The following PLEKHH2 variants were observed in gnomAD, a reference collection of about 807,000 sequenced individuals.
PLEKHH2 encodes pleckstrin homology, MyTH4 and FERM domain containing H2.
Under a neutral mutation model 187.9 loss-of-function variants are expected in PLEKHH2, and 129 were observed. That is an observed-to-expected ratio of 0.69 (90% CI 0.59 to 0.79). The LOEUF (loss-of-function observed/expected upper bound fraction) is 0.79, where lower values mean the gene tolerates loss of function less well. Among genes scored for constraint, PLEKHH2 ranks in the 30% least tolerant of loss-of-function variants. The pLI, the probability that PLEKHH2 is intolerant of heterozygous loss-of-function variation, is 0.00. For missense variants in PLEKHH2, 2,076 were observed against 1,751.2 expected, an observed-to-expected ratio of 1.19 and a Z score of -3.31; for synonymous variants, 686 against 605.6, an observed-to-expected ratio of 1.13 and a Z score of -1.95.
intron 3 of PLEKHH2, among the ~76,000 whole-genome samples, chr2:43,684,819 CAAAA>C (rs534046953): frequency 1.8e-5 from 2 of 109,802 alleles, no homozygotes; most frequent in African/African-American, 3.0e-5. Flanking sequence ...CTCCCATTAC[CAAAA>C]AAAAAAAAAA....
At chr2:43,681,712 A>G in intron 3 of PLEKHH2, 3 of 523,722 alleles carry the variant, frequency 5.7e-6, no homozygotes, top group Non-Finnish European at 1.0e-5. Flanking sequence ...GGGCCAGGCA[A>G]GGGAGCTCCC....
chr2:43,712,018 T>C, intron 14 of PLEKHH2: 1 of 1,282,910 alleles, frequency 7.8e-7, no homozygotes, highest in Non-Finnish European at 1.0e-6. Flanking sequence ...AACAAAGTTA[T>C]TTCCACAAAA....
intron 1 of PLEKHH2, among the ~76,000 whole-genome samples, chr2:43,640,279 C>T (rs1703313240): frequency 6.6e-6 from 1 of 150,726 alleles, no homozygotes; most frequent in African/African-American, 2.4e-5. Context: ...ATGATCATAG[C>T]TCACTGCTCA....
intron 2 of PLEKHH2, among the ~76,000 whole-genome samples, chr2:43,654,917 C>T (rs1457292414): frequency 6.6e-6 from 1 of 152,132 alleles, no homozygotes; most frequent in Non-Finnish European, 1.5e-5. Context: ...GTCCCAGCTA[C>T]TCAGGAGGCT....
chr2:43,726,073 T>C (rs1670726356), intron 16 of PLEKHH2, among the ~76,000 whole-genome samples, 199 bp from the exon 17 acceptor site: 1 of 149,850 alleles, frequency 6.7e-6, no homozygotes, highest in South Asian at 2.1e-4. Flanking sequence ...AGGTTACTGA[T>C]TGCGCCACTG....
intron 3 of PLEKHH2, chr2:43,681,240 T>G: frequency 9.1e-6 from 6 of 657,352 alleles, no homozygotes; most frequent in Non-Finnish European, 2.6e-6. Context: ...GCGATCTTTT[T>G]TCCAATTACA....
In PLEKHH2 at chr2:43,758,937, C is replaced by G. The variant is rs761181415; in HGVS notation, c.3979C>G (p.Leu1327Val). 6.2e-6 allele frequency: 10 copies of G among 1,602,108 alleles called. No individual in the cohort carries two copies. The change falls in exon 27 of 30, where the codon CTC becomes GTC. Residue 1327 changes from leucine (L) to valine (V), a missense_variant. Transcript: ENST00000282406. ...GCGACTTTCAACCAGATGGATGGCC[C>G]TCCGGGGACACAGTGCTGCTGACTG... is the stretch of plus-strand genomic sequence containing the variant. The part of the protein sequence containing the change: ...CQRLSTRWMA[L>V]RGHSAADCVR...
chr2:43,696,222 C>G (rs751667024), intron 6 of PLEKHH2, among the ~76,000 whole-genome samples: 5 of 152,122 alleles, frequency 3.3e-5, no homozygotes, highest in Admixed American at 6.5e-5. Flanking sequence ...CCTGTAATCC[C>G]AGCATTTTGG....
At chr2:43,659,364 C>CT (rs1051542983) in intron 2 of PLEKHH2, among the ~76,000 whole-genome samples, 160 of 147,274 alleles carry the variant, frequency 1.1e-3, no homozygotes, top group African/African-American at 2.8e-3. Flanking sequence ...TGTTTTTCTT[C>CT]TTTTTTTTTT....
At chr2:43,637,980 G>A (rs1356355805) in intron 1 of PLEKHH2, among the ~76,000 whole-genome samples, 1 of 152,194 alleles carries the variant, frequency 6.6e-6, no homozygotes, top group African/African-American at 2.4e-5. Flanking sequence ...TGTGCGTAAC[G>A]CTGTGGAAAT....
intron 1 of PLEKHH2, among the ~76,000 whole-genome samples, chr2:43,640,231 G>A (rs1310365565): frequency 3.4e-5 from 5 of 148,432 alleles, no homozygotes; most frequent in South Asian, 4.3e-4. Flanking sequence ...TTTTTGAGAC[G>A]GTGTCTCACT....
rs78056014 is a variant in PLEKHH2, at chr2:43,730,061, C to T, written c.2830+316C>T. Among the ~76,000 whole-genome samples, 55 of 152,248 alleles carry T rather than the reference C, an allele frequency of 3.6e-4. 1 individual carries two copies. In the East Asian group the frequency reaches 0.01, roughly 29 times the overall value. ...ACCTAGCCTTAGGAGATCCCCCAGC[C>T]AGCCCTCTGCAGCTCAGCATCTGGC... On this transcript the variant is annotated intron_variant, in intron 18 of 29. Transcript: ENST00000282406.
chr2:43,685,906 A>G (rs1477495095), intron 3 of PLEKHH2, among the ~76,000 whole-genome samples: 1 of 152,236 alleles, frequency 6.6e-6, no homozygotes, highest in Non-Finnish European at 1.5e-5. Flanking sequence ...AATTAGGTGG[A>G]TACCTTAATA....
Position 43,678,271 on chromosome 2 carries a change from G to A in PLEKHH2, c.124-592G>A, listed in dbSNP as rs556838758. On this transcript the variant is annotated intron_variant, in intron 2 of 29. Transcript: ENST00000282406. ...GCTCCTCACATCCCAGACCATGGGC[G>A]GCCAGGCAGAGACGCTCCTCACTTC... 9.5e-4 allele frequency among the ~76,000 whole-genome samples: 145 copies of A among 152,108 alleles called. 1 individual carries two copies. Among genetic ancestry groups the A allele is most frequent in the African/African-American group, 3.3e-3 (137 of 41,494 alleles).
intron 26 of PLEKHH2, among the ~76,000 whole-genome samples, chr2:43,758,014 T>G (rs1462489481): frequency 6.6e-6 from 1 of 152,192 alleles, no homozygotes; most frequent in African/African-American, 2.4e-5. Context: ...ATTTGGAGTT[T>G]CAATTTCAGA....
chr2:43,667,423 A>G (rs1379609964), intron 2 of PLEKHH2, among the ~76,000 whole-genome samples: 1 of 152,230 alleles, frequency 6.6e-6, no homozygotes, highest in Non-Finnish European at 1.5e-5. Context: ...ATGACCCAGA[A>G]GTTCTACTCC....
intron 1 of PLEKHH2, among the ~76,000 whole-genome samples, chr2:43,642,139 T>A (rs1665969975): frequency 6.6e-6 from 1 of 152,360 alleles, no homozygotes; most frequent in South Asian, 2.1e-4. Flanking sequence ...TAGGTATTTT[T>A]AAATTTCTTT....
Position 43,726,383 on chromosome 2 carries a change from T to G in PLEKHH2, c.2653T>G (p.Tyr885Asp). Residue 885 changes from tyrosine (Y) to aspartate (D), a missense_variant, in exon 17 of 30, where the codon TAT becomes GAT. Tyr to Asp is a radical substitution (Grantham distance 160). Coordinates refer to ENST00000282406, the MANE Select transcript of PLEKHH2 (RefSeq NM_172069.4). ...TGGACGAAGTCTGTTATCCACACAT[T>G]ATACTATCGTTATCCATCCCAAAGA... ...ASGRSLLSTH[Y>D]TIVIHPKDQG... 1.2e-6 allele frequency: 2 copies of G among 1,611,152 alleles called. No homozygotes were observed. The highest frequency in any genetic ancestry group is 1.7e-6 in the Non-Finnish European group (2 of 1,177,320).
At position 43,757,222 on chromosome 2, in the gene PLEKHH2, A is replaced by G. The variant is rs980112715; in HGVS notation, c.3899A>G (p.Tyr1300Cys). Residue 1300 changes from tyrosine (Y) to cysteine (C), a missense_variant, in exon 26 of 30, where the codon TAT (tyrosine) becomes TGT (cysteine). Transcript: ENST00000282406. The stretch of plus-strand genomic sequence containing the variant: ...CTAAAGCAAGTCATAGAGAAATTTT[A>G]TCCTAAAAGGTATAGAGATGGCTGT... Reference protein sequence around the residue: ...QTLKQVIEKFYPKRYRDGCSE... With the variant: ...QTLKQVIEKFCPKRYRDGCSE... The G allele has an allele frequency of 6.9e-6, 11 of 1,602,522 alleles. No homozygotes were observed. The highest frequency in any genetic ancestry group is 1.7e-4 in the Middle Eastern group (1 of 6,042).
Sources: allele counts gnomAD v4.1 joint callset (sites outside exome capture counted in the v4.1 genomes callset), GRCh38; gene constraint gnomAD v4.1.1; transcripts MANE v1.5; gene names NCBI Gene and HGNC (gene_info 2026-07-23, HGNC 2026-07-21).